STT3B: variants seen among roughly 807,000 people sequenced by gnomAD.
STT3B encodes the protein dolichyl-diphosphooligosaccharide--protein glycosyltransferase subunit STT3B.
In STT3B, 29 loss-of-function variants were observed where a neutral mutation model predicts 96.8. That is an observed-to-expected ratio of 0.30 (90% CI 0.22 to 0.41). The LOEUF (loss-of-function observed/expected upper bound fraction) is 0.41, where lower values mean the gene tolerates loss of function less well. STT3B is among the 10% of genes least tolerant of loss of function. The pLI is 1.00. For missense variants in STT3B, 640 were observed against 1,022.3 expected (o/e 0.63, Z 5.10); for synonymous variants, 367 against 360.0 (o/e 1.02, Z -0.22).
intron 1 of STT3B, among the ~76,000 whole-genome samples, chr3:31,536,173 G>T (rs1697089918): frequency 6.6e-6 from 1 of 152,208 alleles, no homozygotes; most frequent in Middle Eastern, 3.4e-3. Context: ...AAAAGGAGGG[G>T]GATGTGTAGA....
Position 31,622,272 on chromosome 3 carries a change from G to T in STT3B, c.1503G>T (p.Glu501Asp). 6.2e-7 allele frequency: 1 copy of T among 1,614,072 alleles called. No homozygotes were observed. Among genetic ancestry groups the T allele is most frequent in the Non-Finnish European group, 8.5e-7 (1 of 1,179,964 alleles). ...CACCTGTGGAGGACAGCAGTGATGA[G>T]GATGACAAAAGAAACCAAGGAAATT... Reference protein sequence around the residue: ...ENPPVEDSSDEDDKRNQGNLY... With the variant: ...ENPPVEDSSDDDDKRNQGNLY... The change falls in exon 10 of 16, where the codon GAG (glutamate) becomes GAT (aspartate). Residue 501 changes from glutamate (E) to aspartate (D), a missense_variant. Around this residue, in one of 8 missense-constraint regions of STT3B, gnomAD observed 149 missense variants for 250.2 expected, o/e 0.60. Transcript: ENST00000295770.
At chr3:31,564,911 CATAA>C (rs1214262800) in intron 1 of STT3B, among the ~76,000 whole-genome samples, 7 of 152,114 alleles carry the variant, frequency 4.6e-5, no homozygotes, top group African/African-American at 1.7e-4. Context: ...CTTTAAATCC[CATAA>C]ATAATTTATT....
At chr3:31,578,566 T>C (rs978541375) in intron 2 of STT3B, among the ~76,000 whole-genome samples, 2 of 150,278 alleles carry the variant, frequency 1.3e-5, no homozygotes, top group African/African-American at 2.5e-5. Flanking sequence ...TTGTTTTTTT[T>C]TCCCCCCCAG....
intron 1 of STT3B, among the ~76,000 whole-genome samples, chr3:31,536,267 A>G (rs897917181): frequency 2.0e-5 from 3 of 152,226 alleles, no homozygotes; most frequent in African/African-American, 4.8e-5. Flanking sequence ...AATAGTCGCA[A>G]CACTTTAACT....
chr3:31,611,062 G>T (rs77445812), intron 5 of STT3B, among the ~76,000 whole-genome samples: 1 of 152,134 alleles, frequency 6.6e-6, no homozygotes, highest in African/African-American at 2.4e-5. Flanking sequence ...TGTAATAGAT[G>T]GGTATAGTAG....
At chr3:31,567,995 G>GC (rs1559368686) in intron 1 of STT3B, among the ~76,000 whole-genome samples, 1 of 140,694 alleles carries the variant, frequency 7.1e-6, no homozygotes, top group African/African-American at 2.7e-5. Flanking sequence ...CCCACATTTT[G>GC]CCCCCCTCTC....
chr3:31,635,144 A>G (rs1286152382), intron 15 of STT3B, among the ~76,000 whole-genome samples: 1 of 152,172 alleles, frequency 6.6e-6, no homozygotes, highest in Non-Finnish European at 1.5e-5. Context: ...CAGTCTCTTG[A>G]GTCTTCTGCC....
chr3:31,591,719 A>G (rs1357753312), intron 3 of STT3B, among the ~76,000 whole-genome samples: 1 of 152,148 alleles, frequency 6.6e-6, no homozygotes, highest in East Asian at 1.9e-4. Flanking sequence ...CTAACAATAC[A>G]GATTATATTT....
chr3:31,594,126 ACTCAATCCATATTTTT>A (rs1026126380), intron 3 of STT3B, among the ~76,000 whole-genome samples: 8 of 152,146 alleles, frequency 5.3e-5, no homozygotes, highest in Non-Finnish European at 8.8e-5. Context: ...CTGGGAAAAA[ACTCAATCCATATTTTT>A]TCTCTGCTTT....
At chr3:31,580,792 C>G (rs1698367706) in intron 3 of STT3B, among the ~76,000 whole-genome samples, 1 of 152,018 alleles carries the variant, frequency 6.6e-6, no homozygotes, top group African/African-American at 2.4e-5. Flanking sequence ...TCAGTATAGA[C>G]AGTGTCTTAA....
chr3:31,628,837 A>G (rs964911663), intron 13 of STT3B, among the ~76,000 whole-genome samples: 6 of 152,164 alleles, frequency 3.9e-5, no homozygotes, highest in Admixed American at 2.6e-4. Context: ...GAAAGTGGCT[A>G]TGTGCAGTGG....
At chr3:31,559,646 T>C (rs1425623912) in intron 1 of STT3B, among the ~76,000 whole-genome samples, 1 of 152,124 alleles carries the variant, frequency 6.6e-6, no homozygotes. Context: ...ATGTTTCTTG[T>C]GCTAATCAGA....
At chr3:31,541,997 T>TA (rs963721378) in intron 1 of STT3B, among the ~76,000 whole-genome samples, 5 of 152,180 alleles carry the variant, frequency 3.3e-5, no homozygotes, top group African/African-American at 1.2e-4. Context: ...ACTTGAGATT[T>TA]AAAAAAATTA....
chr3:31,604,510 A>T (rs1042450065), intron 5 of STT3B, among the ~76,000 whole-genome samples: 1 of 152,188 alleles, frequency 6.6e-6, no homozygotes, highest in Admixed American at 6.5e-5. Context: ...TAATTCTACC[A>T]TACTACTGAG....
At chr3:31,619,865 A>G in intron 9 of STT3B, 35 bp downstream of exon 9, 2 of 1,580,660 alleles carry the variant, frequency 1.3e-6, no homozygotes, top group East Asian at 4.5e-5. Flanking sequence ...TTTGATATGG[A>G]ATAGTTATTT....
At chr3:31,599,356 T>A (rs1238104892) in intron 4 of STT3B, among the ~76,000 whole-genome samples, 1 of 152,202 alleles carries the variant, frequency 6.6e-6, no homozygotes, top group Non-Finnish European at 1.5e-5. Context: ...ATATCAAACT[T>A]GTTCTCTTTC....
chr3:31,549,644 CTAA>C (rs1697502501), intron 1 of STT3B, among the ~76,000 whole-genome samples: 1 of 151,830 alleles, frequency 6.6e-6, no homozygotes, highest in African/African-American at 2.4e-5. Context: ...ATTTCTATAT[CTAA>C]TAATTGTTAG....
At chr3:31,542,890 A>G (rs1697313530) in intron 1 of STT3B, among the ~76,000 whole-genome samples, 1 of 152,032 alleles carries the variant, frequency 6.6e-6, no homozygotes, top group Non-Finnish European at 1.5e-5. Flanking sequence ...AACATGGTGA[A>G]ACCCTGTCTC....
Position 31,626,141 on chromosome 3 carries a change from T to C in STT3B, c.2073+14T>C, listed in dbSNP as rs59520046. On this transcript the variant is annotated intron_variant, in intron 13 of 15. Coordinates refer to ENST00000295770, the MANE Select transcript of STT3B (RefSeq NM_178862.3). The stretch of plus-strand genomic sequence containing the variant: ...AAAGACATTCGGGTAAGAAACTAGA[T>C]AATTCCAGGTATGTGAAAGATAGCT... 1.1e-3 allele frequency: 1,750 copies of C among 1,606,780 alleles called. 36 individuals are homozygous for C. The East Asian group carries it at 0.034, about 31-fold the overall frequency.
Sources: gnomAD v4.1 joint callset for allele counts (sites outside exome capture counted in the v4.1 genomes callset) on GRCh38, gnomAD v4.1.1 for gene constraint, gnomAD v4.1.1 regional missense constraint, MANE v1.5 for transcripts, NCBI Gene and HGNC (gene_info 2026-07-23, HGNC 2026-07-21) for gene names.